Variants in SNX25 observed in about 807,000 individuals in gnomAD.
SNX25 encodes sorting nexin 25.
SNX25 carries 62 observed loss-of-function variants against 113.7 expected under a neutral mutation model. That is an observed-to-expected ratio of 0.55 (90% CI 0.44 to 0.67). SNX25 has a LOEUF of 0.67. Among genes scored for constraint, SNX25 ranks in the 30% least tolerant of loss-of-function variants. The pLI is 0.00. For synonymous variants in SNX25, 421 were observed against 436.2 expected, an observed-to-expected ratio of 0.97 and a Z score of 0.43; for missense variants, 1,014 against 1,161.0, an observed-to-expected ratio of 0.87 and a Z score of 1.84.
At position 185,323,555 on chromosome 4, in the gene SNX25, AT is replaced by A; in HGVS notation, c.1507del (p.Tyr503IlefsTer26). 1 of 1,611,346 alleles carries A rather than the reference AT, an allele frequency of 6.2e-7. No homozygotes were observed. Among genetic ancestry groups the A allele is most frequent in the Non-Finnish European group, 8.5e-7 (1 of 1,179,218 alleles). On this transcript the variant is annotated frameshift_variant, in exon 9 of 19. Transcript: ENST00000652585. LOFTEE classifies it high-confidence loss of function. ...TGAAATTCCACAATTAGTTGGTGAA[AT>A]TTATCAGAATTTCTTTGTGGAGAGC... ...KNEIPQLVGE[I>X]YQNFFVESKE...
intron 1 of SNX25, among the ~76,000 whole-genome samples, chr4:185,245,183 C>T (rs1458863540): frequency 1.3e-5 from 2 of 151,454 alleles, no homozygotes; most frequent in East Asian, 1.9e-4. Context: ...TTTTTTCGTT[C>T]CAAACCAGTA....
At chr4:185,211,241 G>T (rs1737738108) in intron 1 of SNX25, among the ~76,000 whole-genome samples, 1 of 152,172 alleles carries the variant, frequency 6.6e-6, no homozygotes, top group Admixed American at 6.5e-5. Context: ...CTCTGAGTGT[G>T]TTAGTTCAGA....
intron 7 of SNX25, among the ~76,000 whole-genome samples, chr4:185,318,286 G>T (rs1160175706): frequency 6.6e-6 from 1 of 152,018 alleles, no homozygotes; most frequent in African/African-American, 2.4e-5. Context: ...TACTAATTCA[G>T]AACTAAGAAT....
At chr4:185,352,055 C>T (rs1345559300) in intron 14 of SNX25, among the ~76,000 whole-genome samples, 1 of 152,094 alleles carries the variant, frequency 6.6e-6, no homozygotes, top group African/African-American at 2.4e-5. Context: ...GCAAGGTTCA[C>T]GCCAGGCTGA....
intron 1 of SNX25, among the ~76,000 whole-genome samples, chr4:185,238,287 C>A (rs1742973977): frequency 6.6e-6 from 1 of 151,966 alleles, no homozygotes; most frequent in Non-Finnish European, 1.5e-5. Flanking sequence ...TGGAGCCCGC[C>A]TGCCATGGGA....
intron 9 of SNX25, among the ~76,000 whole-genome samples, chr4:185,328,616 T>C (rs978275424): frequency 2.0e-5 from 3 of 152,194 alleles, no homozygotes; most frequent in Non-Finnish European, 1.5e-5. Context: ...GTTAGAATTA[T>C]ATAAATGTCA....
chr4:185,204,785 G>A (rs1173853969), upstream of SNX25, among the ~76,000 whole-genome samples: 1 of 152,238 alleles, frequency 6.6e-6, no homozygotes, highest in Non-Finnish European at 1.5e-5. Context: ...TTGGAGTGAT[G>A]TCAGAGGCAA....
chr4:185,220,607 A>G (rs1739653212), intron 1 of SNX25, among the ~76,000 whole-genome samples: 3 of 149,666 alleles, frequency 2.0e-5, no homozygotes, highest in East Asian at 2.0e-4. Context: ...TCAGCCTCCC[A>G]AGTAGCTGGG....
In SNX25 at chr4:185,210,013, G is replaced by T; in HGVS notation, c.187G>T (p.Val63Leu). 1 of 983,900 alleles carries T rather than the reference G, an allele frequency of 1.0e-6. No homozygotes were observed. The highest frequency in any genetic ancestry group is 4.7e-5 in the South Asian group (1 of 21,456). The allele number at this position is 983,900 out of a possible 1,614,324, so 60.9% of individuals were successfully genotyped here. A position where few individuals can be genotyped will look rare whatever the true frequency, so the allele number is the denominator to read the frequency against. The change falls in exon 1 of 19, where the codon GTG becomes TTG. Residue 63 changes from valine (V) to leucine (L), a missense_variant. Physicochemically the swap from Val to Leu is conservative, Grantham distance 32. Coordinates refer to ENST00000652585, the MANE Select transcript of SNX25 (RefSeq NM_001378034.2). This position sits in a 1 kb window ranked among gnomAD's most constrained non-coding sequence, Gnocchi z 4.4. Reference sequence around the variant, plus strand: ...CCGGAGCTGGTGGAAGCCCGTGGCGGTGGCCGCACTCGCCGCCGTGGCCCT... The same window carrying T: ...CCGGAGCTGGTGGAAGCCCGTGGCGTTGGCCGCACTCGCCGCCGTGGCCCT... ...GGRSWWKPVA[V>L]AALAAVALSF...
At chr4:185,339,720 C>G (rs2095250430) in intron 11 of SNX25, among the ~76,000 whole-genome samples, 1 of 152,200 alleles carries the variant, frequency 6.6e-6, no homozygotes, top group Non-Finnish European at 1.5e-5. Context: ...TCTGATCTCA[C>G]TCCACTTCAA....
intron 6 of SNX25, among the ~76,000 whole-genome samples, chr4:185,303,091 T>C (rs755923017): frequency 2.0e-5 from 3 of 152,204 alleles, no homozygotes; most frequent in Non-Finnish European, 2.9e-5. Context: ...CTGGTTTGAA[T>C]AGAGCTAGTT....
chr4:185,240,499 T>C (rs1426764116), intron 1 of SNX25, among the ~76,000 whole-genome samples: 70 of 116,580 alleles, frequency 6.0e-4, no homozygotes, highest in South Asian at 1.2e-3. Flanking sequence ...ACCTCCCGGA[T>C]GGGGCGGCTG....
At chr4:185,239,356 A>AGGTG (rs1743221735) in intron 1 of SNX25, among the ~76,000 whole-genome samples, 2 of 151,830 alleles carry the variant, frequency 1.3e-5, no homozygotes, top group Non-Finnish European at 2.9e-5. Context: ...GGTGGTGGGC[A>AGGTG]CCTGTAGTCC....
In SNX25 at chr4:185,360,950, T is replaced by TATATATATATATATATATAGATAG. The variant is rs1048534398; in HGVS notation, c.2652-971_2652-970insTATATATATATATATAGATAGATA. Among the ~76,000 whole-genome samples, 373 of 141,612 alleles carry TATATATATATATATATATAGATAG rather than the reference T, an allele frequency of 2.6e-3. 1 individual carries two copies. The highest frequency in any genetic ancestry group is 4.0e-3 in the South Asian group (18 of 4,510). 92.9% of individuals were successfully genotyped at this position (141,612 alleles called of 152,430 possible). On this transcript the variant is annotated intron_variant, in intron 16 of 18. Transcript: ENST00000652585. ...AAAATAATATATATATATATATATATATAGAATCTGTCTAATGACTAACGA... is the reference window on the plus strand; with the variant it reads ...AAAATAATATATATATATATATATATATATATATATATATATATAGATAGATAGAATCTGTCTAATGACTAACGA...
the SNX25 span, chr4:185,375,745 TATTTA>T: frequency 6.7e-7 from 1 of 1,494,588 alleles, no homozygotes; most frequent in East Asian, 2.3e-5. Flanking sequence ...ACCCAGAAGA[TATTTA>T]ATTATTTTTA....
chr4:185,351,608 A>T lies in SNX25; in HGVS notation c.2465A>T (p.Glu822Val), dbSNP rs1390566695. 6.2e-7 allele frequency: 1 copy of T among 1,613,852 alleles called. No homozygotes were observed. The highest frequency in any genetic ancestry group is 8.5e-7 in the Non-Finnish European group (1 of 1,179,898). Reference sequence around the variant, plus strand: ...CCTCGCGACTTCTTCTCCCACCAGGAGGTGAGCCGTTGAAAGAGTGAACCA... The same window carrying T: ...CCTCGCGACTTCTTCTCCCACCAGGTGGTGAGCCGTTGAAAGAGTGAACCA... ...RLPRDFFSHQ[E>V]EETEEDSDLS... The change falls in exon 14 of 19, where the codon GAG becomes GTG. Residue 822 changes from glutamate (E) to valine (V), a missense_variant and splice_region_variant. Physicochemically the swap from Glu to Val is moderately radical, Grantham distance 121 (BLOSUM62 -2). Transcript: ENST00000652585.
chr4:185,239,283 A>C (rs1445959605), intron 1 of SNX25, among the ~76,000 whole-genome samples: 1 of 151,710 alleles, frequency 6.6e-6, no homozygotes, highest in Non-Finnish European at 1.5e-5. Context: ...GGAGATCGAG[A>C]CCATCCTGGC....
chr4:185,227,830 A>G (rs1447655524), intron 1 of SNX25, among the ~76,000 whole-genome samples: 2 of 152,190 alleles, frequency 1.3e-5, no homozygotes, highest in East Asian at 1.9e-4. Context: ...GTTGGTGGTC[A>G]GTGTACACGT....
At chr4:185,217,925 G>A (rs1739134013) in intron 1 of SNX25, among the ~76,000 whole-genome samples, 1 of 152,150 alleles carries the variant, frequency 6.6e-6, no homozygotes, top group African/African-American at 2.4e-5. Flanking sequence ...CTCAGAACCT[G>A]TATTTTTATC....
Sources: allele counts gnomAD v4.1 joint callset (sites outside exome capture counted in the v4.1 genomes callset), GRCh38; gene constraint gnomAD v4.1.1; non-coding constraint Gnocchi (gnomAD v3.1); transcripts MANE v1.5; gene names NCBI Gene and HGNC (gene_info 2026-07-23, HGNC 2026-07-21).